The following FAT2 variants were observed in gnomAD, a reference collection of about 807,000 sequenced individuals.
FAT2 encodes FAT atypical cadherin 2.
FAT2 carries 150 observed loss-of-function variants against 295.3 expected under a neutral mutation model. The ratio of observed to expected loss-of-function variants is 0.51; its 90% confidence interval spans 0.44 to 0.58. The LOEUF (loss-of-function observed/expected upper bound fraction) is 0.58. FAT2 is among the 20% of genes least tolerant of loss of function. The probability of loss-of-function intolerance (pLI) is 0.00; values close to 1 mark genes in which losing one functional copy is unlikely to be tolerated. For missense variants in FAT2, 4,868 were observed against 5,442.7 expected (o/e 0.89, Z 3.32); for synonymous variants, 2,026 against 2,150.3 (o/e 0.94, Z 1.60).
rs928029546 is a variant in FAT2, at chr5:151,504,657, C to T, written c.*908G>A. ...GAAAAATCCCATTGAGGAAACTCAT[C>T]CAGACAGCAAGGTCAAAAAGTGCCT... On this transcript the variant is annotated 3_prime_UTR_variant, in exon 24 of 24. Transcript: ENST00000261800. 6.6e-6 allele frequency: 1 copy of T among 152,650 alleles called. No individual in the cohort carries two copies. Among genetic ancestry groups the T allele is most frequent in the Admixed American group, 6.5e-5 (1 of 15,282 alleles). 9.5% of individuals were successfully genotyped at this position (152,650 alleles called of 1,614,324 possible).
At chr5:151,583,460 G>A (rs914660427) in intron 1 of FAT2, among the ~76,000 whole-genome samples, 3 of 152,232 alleles carry the variant, frequency 2.0e-5, no homozygotes, top group Non-Finnish European at 2.9e-5. Flanking sequence ...TACATACTGT[G>A]GTAGTCCATG....
intron 15 of FAT2, 65 bp from the exon 16 acceptor site, chr5:151,528,198 G>T (rs1754222671): frequency 2.5e-6 from 4 of 1,579,772 alleles, no homozygotes; most frequent in Non-Finnish European, 3.5e-6. Context: ...AGTACAGGGG[G>T]AAACAGATAT....
chr5:151,571,471 T>C (rs2127652932), intron 1 of FAT2, among the ~76,000 whole-genome samples: 1 of 152,364 alleles, frequency 6.6e-6, no homozygotes, highest in Non-Finnish European at 1.5e-5. Flanking sequence ...CAAGATACTC[T>C]GCTCGATGGC....
In FAT2 at chr5:151,537,805, C is replaced by G. The variant is rs1336969306; in HGVS notation, c.9181G>C (p.Asp3061His). The change falls in exon 12 of 24, where the codon GAT (aspartate) becomes CAT (histidine). Residue 3061 changes from aspartate (D) to histidine (H), a missense_variant. By Grantham distance (81) the Asp-to-His change is moderately conservative. Transcript: ENST00000261800. The part of the protein sequence containing the change: ...HGPGAHEFKL[D>H]PHTGELTTLT... ...TCAGGAAACCCACCTGTATGAGGAT[C>G]CAGCTTGAATTCATGCGCCCCAGGG... The G allele has an allele frequency of 1.2e-6, 2 of 1,610,224 alleles. No individual in the cohort carries two copies. Among genetic ancestry groups the G allele is most frequent in the South Asian group, 2.2e-5 (2 of 90,396 alleles).
At position 151,546,225 on chromosome 5, in the gene FAT2, A is replaced by ATCT; in HGVS notation, c.4899_4901dup (p.Glu1633dup). The ATCT allele has an allele frequency of 6.2e-7, 1 of 1,614,138 alleles. No individual in the cohort carries two copies. The highest frequency in any genetic ancestry group is 8.5e-7 in the Non-Finnish European group (1 of 1,180,032). ...GGTCATGCCATTGTGGGGAGCCTTG[A>ATCT]TCTTCTGCCTTCACTGTCAGAGTAT... On this transcript the variant is annotated inframe_insertion, in exon 10 of 24. Transcript: ENST00000261800.
chr5:151,567,960 C>T lies in FAT2; in HGVS notation c.972G>A (p.Glu324=), dbSNP rs747786056. 2 of 1,614,216 alleles carry T rather than the reference C, an allele frequency of 1.2e-6. No individual in the cohort carries two copies. The highest frequency in any genetic ancestry group is 1.1e-5 in the South Asian group (1 of 91,084). Residue 324 remains glutamate (E), a synonymous_variant, in exon 2 of 24, where the codon GAG becomes GAA. Coordinates refer to ENST00000261800, the MANE Select transcript of FAT2 (RefSeq NM_001447.3). ...LVSVKDINWM[E]YLHGFNLSLQ... ...GGCTGAGGTTGAACCCATGAAGGTA[C>T]TCCATCCAGTTGATGTCTTTGACAG...
At chr5:151,586,508 T>C (rs1221482227) in intron 1 of FAT2, among the ~76,000 whole-genome samples, 2 of 152,148 alleles carry the variant, frequency 1.3e-5, no homozygotes, top group African/African-American at 4.8e-5. Context: ...TGTTAATCAA[T>C]GGGTAGTGGT....
At chr5:151,591,643 T>G (rs1327768579), upstream of FAT2, among the ~76,000 whole-genome samples, 2 of 152,046 alleles carry the variant, frequency 1.3e-5, no homozygotes, top group African/African-American at 4.8e-5. Context: ...AACAGTAGTG[T>G]TCTCTCCACT....
intron 4 of FAT2, 69 bp downstream of exon 4, chr5:151,556,275 A>T: frequency 7.7e-7 from 1 of 1,303,342 alleles, no homozygotes; most frequent in South Asian, 1.2e-5. Context: ...AGTGCTAGAC[A>T]TGCACGTGGC....
At chr5:151,546,868 G>A (rs573081762) in intron 9 of FAT2, among the ~76,000 whole-genome samples, 4 of 152,132 alleles carry the variant, frequency 2.6e-5, no homozygotes, top group Admixed American at 2.0e-4. Flanking sequence ...GTGAGCCACC[G>A]TGCCTGGCTA....
Position 151,544,271 on chromosome 5 carries a change from G to T in FAT2, c.6856C>A (p.Pro2286Thr), listed in dbSNP as rs564207050. ...VYTTSISEGL[P>T]AQTPVIQLLA... is the part of the protein sequence containing the mutation. The stretch of plus-strand genomic sequence containing the variant: ...AGTTGGATCACAGGGGTCTGAGCAG[G>T]CAAGCCTTCTGAGATGGAAGTGGTA... The change falls in exon 10 of 24, where the codon CCT (proline) becomes ACT (threonine). Residue 2286 changes from proline to threonine, a missense_variant. Transcript: ENST00000261800. 3.1e-6 allele frequency: 5 copies of T among 1,614,210 alleles called. No homozygotes were observed. The African/African-American group carries it at 6.7e-5, about 22-fold the overall frequency.
chr5:151,509,596 G>A (rs1761160569), intron 22 of FAT2: 2 of 174,492 alleles, frequency 1.1e-5, no homozygotes, highest in African/African-American at 2.4e-5. Flanking sequence ...TCCTTATAAG[G>A]AGCATATATC....
rs769605642 is a variant in FAT2 at position 151,527,305 on chromosome 5, C to T, written c.10237G>A (p.Ala3413Thr). 3.7e-6 allele frequency: 6 copies of T among 1,613,198 alleles called. No homozygotes were observed. The African/African-American group carries it at 4.0e-5, about 11-fold the overall frequency. Residue 3413 changes from alanine to threonine, a missense_variant, in exon 17 of 24, where the codon GCT becomes ACT. By Grantham distance (58) the Ala-to-Thr change is moderately conservative. This residue lies in a region of FAT2 where 1,046 missense variants were observed against 1,210.1 expected (regional missense o/e 0.86). Coordinates refer to ENST00000261800, the MANE Select transcript of FAT2 (RefSeq NM_001447.3). ...TCATTGACATCAGCCACTTGGATAG[C>T]GATGTCTGTGTCCTCATGCAGTGGA... ...QPPLHEDTDI[A>T]IQVADVNDNP... is the part of the protein sequence containing the mutation.
chr5:151,517,510 G>A (rs1752990152), intron 20 of FAT2, 110 bp downstream of exon 20: 1 of 1,336,166 alleles, frequency 7.5e-7, no homozygotes. Context: ...TGAAAACTGT[G>A]CAGGGATTTC....
chr5:151,577,036 C>A (rs928755238), intron 1 of FAT2, among the ~76,000 whole-genome samples: 4 of 152,152 alleles, frequency 2.6e-5, no homozygotes, highest in South Asian at 2.1e-4. Context: ...TTTTATGAGA[C>A]CACTCTCATA....
At position 151,554,467 on chromosome 5, in the gene FAT2, G is replaced by T. The variant is rs1757510411; in HGVS notation, c.3840C>A (p.Thr1280=). The T allele has an allele frequency of 2.5e-6, 4 of 1,614,106 alleles. No homozygotes were observed. The highest frequency in any genetic ancestry group is 2.2e-5 in the South Asian group (2 of 91,090). ...DLDEGLNGRV[T]YSIEDSDEEA... The stretch of plus-strand genomic sequence containing the variant: ...CCTCATCGCTGTCCTCGATACTGTA[G>T]GTGACTCTGCCATTAAGACCCTCAT... The change falls in exon 5 of 24, where the codon ACC becomes ACA. Residue 1280 remains threonine (T), a synonymous_variant. Coordinates refer to ENST00000261800, the MANE Select transcript of FAT2 (RefSeq NM_001447.3).
chr5:151,537,612 A>G (rs1285049916), intron 12 of FAT2, among the ~76,000 whole-genome samples, 181 bp downstream of exon 12: 1 of 152,176 alleles, frequency 6.6e-6, no homozygotes, highest in Non-Finnish European at 1.5e-5. Flanking sequence ...AAAGGCCCAA[A>G]TCTTGTCTTA....
rs1761431196 is a variant in FAT2, at chr5:151,512,885, A to G, written c.11464-279T>C. ...GAGGCCGAGAGATGCTTTGCTGATC[A>G]AGACCCTGTATTTTGGATGCTTCTT... On this transcript the variant is annotated intron_variant, in intron 20 of 23. Coordinates refer to ENST00000261800, the MANE Select transcript of FAT2 (RefSeq NM_001447.3). The surrounding 1 kb of genome is among the most constrained non-coding windows in gnomAD (Gnocchi z 4.1). 4.4e-6 allele frequency: 2 copies of G among 454,592 alleles called. No individual in the cohort carries two copies. Among genetic ancestry groups the G allele is most frequent in the Non-Finnish European group, 8.0e-6 (2 of 250,284 alleles). The allele number at this position is 454,592 out of a possible 1,614,324, so 28.2% of individuals were successfully genotyped here.
At chr5:151,515,585 C>G (rs532574407) in intron 20 of FAT2, among the ~76,000 whole-genome samples, 4 of 152,354 alleles carry the variant, frequency 2.6e-5, no homozygotes, top group African/African-American at 9.6e-5. Context: ...CTGGCACAAA[C>G]TCCATTCTTC....
Sources: gnomAD v4.1 joint callset for allele counts (sites outside exome capture counted in the v4.1 genomes callset) on GRCh38, gnomAD v4.1.1 for gene constraint, gnomAD v4.1.1 regional missense constraint, Gnocchi (gnomAD v3.1) non-coding constraint, MANE v1.5 for transcripts, NCBI Gene and HGNC (gene_info 2026-07-23, HGNC 2026-07-21) for gene names.